CDK14: variants seen among roughly 807,000 people sequenced by gnomAD.
CDK14 encodes cyclin dependent kinase 14, also known as cyclin-dependent kinase 14.
In CDK14, 34 loss-of-function variants were observed where a neutral mutation model predicts 60.7. The ratio of observed to expected loss-of-function variants is 0.56; its 90% confidence interval spans 0.43 to 0.75. The LOEUF is 0.75. Among genes scored for constraint, CDK14 ranks in the 30% least tolerant of loss-of-function variants. The probability of loss-of-function intolerance (pLI) is 0.00; values close to 1 mark genes in which losing one functional copy is unlikely to be tolerated. For synonymous variants in CDK14, 197 were observed against 203.7 expected (o/e 0.97, Z 0.28); for missense variants, 482 against 564.1 (o/e 0.85, Z 1.47).
chr7:90,974,627 AAAT>A (rs1795017936), intron 9 of CDK14, among the ~76,000 whole-genome samples: 1 of 152,142 alleles, frequency 6.6e-6, no homozygotes, highest in South Asian at 2.1e-4. Flanking sequence ...TCAACTAGAG[AAAT>A]AATAATCTTT....
chr7:90,726,404 T>C, intron 2 of CDK14, 163 bp from the exon 3 acceptor site: 1 of 1,253,744 alleles, frequency 8.0e-7, no homozygotes, highest in Non-Finnish European at 1.1e-6. Context: ...ATTGTGAGGA[T>C]TTTTTTGTAC....
chr7:90,784,454 G>C (rs947559376), intron 4 of CDK14, among the ~76,000 whole-genome samples: 5 of 152,202 alleles, frequency 3.3e-5, no homozygotes, highest in South Asian at 2.1e-4. Context: ...AATGGTTGAG[G>C]TGGTGGATGC....
chr7:90,977,420 C>A (rs1048204175), intron 9 of CDK14, among the ~76,000 whole-genome samples: 1 of 151,648 alleles, frequency 6.6e-6, no homozygotes, highest in South Asian at 2.1e-4. Flanking sequence ...TAGCTACATG[C>A]GGGGAAAGAG....
At chr7:90,871,131 G>A (rs899540047) in intron 6 of CDK14, among the ~76,000 whole-genome samples, 4 of 152,120 alleles carry the variant, frequency 2.6e-5, no homozygotes, top group African/African-American at 4.8e-5. Context: ...CTCAGATAGT[G>A]GTGGTGATAT....
rs117998948 is a variant in CDK14 at position 91,102,982 on chromosome 7, G to A, written c.1155-9560G>A. On this transcript the variant is annotated intron_variant, in intron 12 of 14. Coordinates refer to ENST00000380050, the MANE Select transcript of CDK14 (RefSeq NM_001287135.2). ...GAAATGCTGCCTTCCGGCCGGGTGC[G>A]ATAGTTCACACCTATAATCCCAGCA... 2.4e-4 allele frequency among the ~76,000 whole-genome samples: 36 copies of A among 152,252 alleles called. No homozygotes were observed. The East Asian group carries it at 4.8e-3, about 20-fold the overall frequency.
intron 12 of CDK14, among the ~76,000 whole-genome samples, chr7:91,082,494 T>C (rs1413805636): frequency 6.6e-6 from 1 of 152,154 alleles, no homozygotes; most frequent in African/African-American, 2.4e-5. Flanking sequence ...CCTAAGAACT[T>C]ATAAAAATTG....
At chr7:90,812,523 C>G (rs550530376) in intron 5 of CDK14, among the ~76,000 whole-genome samples, 3 of 152,116 alleles carry the variant, frequency 2.0e-5, no homozygotes, top group East Asian at 3.9e-4. Flanking sequence ...TGTTAAATGA[C>G]GAGTTGCTGG....
chr7:91,155,041 C>T (rs1056390217), intron 14 of CDK14, among the ~76,000 whole-genome samples: 5 of 151,970 alleles, frequency 3.3e-5, no homozygotes, highest in Non-Finnish European at 7.4e-5. Context: ...GGGTAAAGAA[C>T]GAGGAAGGGC....
intron 8 of CDK14, among the ~76,000 whole-genome samples, chr7:90,948,811 G>A (rs1794172469): frequency 6.6e-6 from 1 of 152,154 alleles, no homozygotes. Flanking sequence ...CTTAATCAAG[G>A]AGAAATAACA....
intron 9 of CDK14, among the ~76,000 whole-genome samples, chr7:90,971,567 G>A (rs1004256415): frequency 6.6e-6 from 1 of 151,330 alleles, no homozygotes; most frequent in African/African-American, 2.4e-5. Flanking sequence ...TGGTAAGGAG[G>A]AAGAGAGAAA....
intron 5 of CDK14, among the ~76,000 whole-genome samples, chr7:90,810,753 G>A (rs1280024367): frequency 3.3e-5 from 5 of 151,970 alleles, no homozygotes; most frequent in Admixed American, 2.6e-4. Flanking sequence ...AAGCTGATAA[G>A]CAACTTCAGC....
chr7:90,815,831 A>G (rs1789329324), intron 5 of CDK14, among the ~76,000 whole-genome samples: 3 of 151,388 alleles, frequency 2.0e-5, no homozygotes, highest in Admixed American at 1.3e-4. Context: ...AAAACCAAAC[A>G]CTGCATGTTC....
chr7:90,977,087 A>G (rs1244574434), intron 9 of CDK14, among the ~76,000 whole-genome samples: 1 of 152,058 alleles, frequency 6.6e-6, no homozygotes, highest in Non-Finnish European at 1.5e-5. Flanking sequence ...TAAGTCTTTA[A>G]TTCATTTTGA....
At chr7:90,968,035 A>G (rs1378561719) in intron 9 of CDK14, among the ~76,000 whole-genome samples, 1 of 152,214 alleles carries the variant, frequency 6.6e-6, no homozygotes, top group Non-Finnish European at 1.5e-5. Flanking sequence ...TGTTATGACA[A>G]TTGTGAATTA....
intron 2 of CDK14, among the ~76,000 whole-genome samples, chr7:90,641,714 AT>A (rs1800340628): frequency 6.6e-6 from 1 of 152,230 alleles, no homozygotes; most frequent in East Asian, 1.9e-4. Context: ...TGTTGAGATC[AT>A]CAAAATGGAT....
chr7:91,155,909 T>TTTTA (rs1800968174), intron 14 of CDK14, among the ~76,000 whole-genome samples: 1 of 152,192 alleles, frequency 6.6e-6, no homozygotes, highest in South Asian at 2.1e-4. Context: ...AAAAACAAAA[T>TTTTA]AAAACTAAGT....
chr7:90,896,941 AGCATGTGTAGCATGAGTTTATTGG>A (rs1248496797), intron 6 of CDK14, among the ~76,000 whole-genome samples: 1 of 152,196 alleles, frequency 6.6e-6, no homozygotes, highest in Non-Finnish European at 1.5e-5. Flanking sequence ...GTGTTTAAAA[AGCATGTGTAGCATGAGTTTATTGG>A]GCATGCTATT....
intron 10 of CDK14, among the ~76,000 whole-genome samples, chr7:91,033,551 G>A (rs1796826777): frequency 1.3e-5 from 2 of 152,212 alleles, no homozygotes; most frequent in South Asian, 4.1e-4. Context: ...TCAGCAGGGA[G>A]TGGGACCTGA....
At chr7:91,108,694 C>T (rs897318926) in intron 12 of CDK14, among the ~76,000 whole-genome samples, 1 of 152,154 alleles carries the variant, frequency 6.6e-6, no homozygotes, top group Non-Finnish European at 1.5e-5. Context: ...GGCTTTCATC[C>T]AAGTTTAATG....
Sources: allele counts gnomAD v4.1 joint callset (sites outside exome capture counted in the v4.1 genomes callset), GRCh38; gene constraint gnomAD v4.1.1; transcripts MANE v1.5; gene names NCBI Gene and HGNC (gene_info 2026-07-23, HGNC 2026-07-21).